UBXN4: variants seen among roughly 807,000 people sequenced by gnomAD.
UBXN4 encodes UBX domain protein 4.
A neutral mutation model predicts 66.2 loss-of-function variants in UBXN4; 35 were observed. The observed-to-expected ratio is 0.53, with a 90% CI of 0.40 to 0.70. The LOEUF is 0.70. UBXN4 is among the 30% of genes least tolerant of loss of function. The pLI, the probability that UBXN4 is intolerant of heterozygous loss-of-function variation, is 0.00. For synonymous variants in UBXN4, 203 were observed against 204.5 expected, an observed-to-expected ratio of 0.99 and a Z score of 0.06; for missense variants, 533 against 599.8, an observed-to-expected ratio of 0.89 and a Z score of 1.16.
intron 6 of UBXN4, 21 bp from the exon 7 acceptor site, chr2:135,769,748 G>GTTTTTT: frequency 8.8e-7 from 1 of 1,132,940 alleles, no homozygotes; most frequent in Non-Finnish European, 1.2e-6. Context: ...ATTAGTGGTG[G>GTTTTTT]TTTTTTTTTT....
At chr2:135,773,657 A>C (rs538095513) in intron 9 of UBXN4, among the ~76,000 whole-genome samples, 1 of 152,336 alleles carries the variant, frequency 6.6e-6, no homozygotes, top group East Asian at 1.9e-4. Flanking sequence ...TTGAAAAGAC[A>C]AAAAAAGTTT....
chr2:135,748,008 A>G, intron 1 of UBXN4: 1 of 349,678 alleles, frequency 2.9e-6, no homozygotes, highest in Non-Finnish European at 5.2e-6. Context: ...TACTTTGCGC[A>G]TCATAATTTA....
intron 10 of UBXN4, among the ~76,000 whole-genome samples, chr2:135,777,887 A>AAAAC (rs931022904): frequency 2.7e-5 from 4 of 146,852 alleles, no homozygotes; most frequent in Non-Finnish European, 6.0e-5. Context: ...CATCTCAAAA[A>AAAAC]AAACAACAGG....
chr2:135,773,038 A>C (rs948372806), intron 9 of UBXN4, among the ~76,000 whole-genome samples: 106 of 80,040 alleles, frequency 1.3e-3, no homozygotes, highest in Middle Eastern at 0.014. Flanking sequence ...CTCCGTCCCC[A>C]AAAAAAAAAA....
rs1223115836 is a variant in UBXN4 at position 135,783,218 on chromosome 2, T to C, written c.*331T>C. On this transcript the variant is annotated 3_prime_UTR_variant, in exon 13 of 13. Transcript: ENST00000272638. Reference sequence around the variant, plus strand: ...TCAGATGACACGTTTTGTTTAGAGCTACTTTGCTCCAAGACTCTTAAGCCC... The same window carrying C: ...TCAGATGACACGTTTTGTTTAGAGCCACTTTGCTCCAAGACTCTTAAGCCC... 1 of 168,466 alleles carries C rather than the reference T, an allele frequency of 5.9e-6. No individual in the cohort carries two copies. The highest frequency in any genetic ancestry group is 1.3e-5 in the Non-Finnish European group (1 of 78,826). 10.4% of individuals were successfully genotyped at this position (168,466 alleles called of 1,614,324 possible).
chr2:135,745,313 C>G (rs1043179962), intron 1 of UBXN4, among the ~76,000 whole-genome samples: 2 of 152,200 alleles, frequency 1.3e-5, no homozygotes, highest in African/African-American at 4.8e-5. Flanking sequence ...ACTCTTCTGG[C>G]TGTTGGCATG....
chr2:135,750,234 A>C (rs4245839), intron 2 of UBXN4, among the ~76,000 whole-genome samples: 4 of 152,176 alleles, frequency 2.6e-5, no homozygotes, highest in Non-Finnish European at 5.9e-5. Flanking sequence ...TCAGCCTCCC[A>C]AATAGCTGTA....
chr2:135,755,721 A>G lies in UBXN4; in HGVS notation c.508+30A>G, dbSNP rs79054182. ...CTTTTAATGTACCTTTTTGAGTGCAATAGAAGCTCCTTCACTACATTTTAA... is the reference window on the plus strand; with the variant it reads ...CTTTTAATGTACCTTTTTGAGTGCAGTAGAAGCTCCTTCACTACATTTTAA... On this transcript the variant is annotated intron_variant, in intron 5 of 12. Transcript: ENST00000272638. The G allele has an allele frequency of 1.0e-3, 1,347 of 1,352,476 alleles. 12 individuals carry two copies. The African/African-American group carries it at 0.018, about 18-fold the overall frequency. 83.8% of individuals were successfully genotyped at this position (1,352,476 alleles called of 1,614,324 possible).
intron 6 of UBXN4, among the ~76,000 whole-genome samples, chr2:135,764,712 G>T (rs1177976193): frequency 2.6e-5 from 4 of 152,160 alleles, no homozygotes; most frequent in Non-Finnish European, 5.9e-5. Flanking sequence ...CGCCATGTTG[G>T]CTGGGCTGGT....
chr2:135,742,254 A>C (rs2077179450), intron 1 of UBXN4, among the ~76,000 whole-genome samples: 1 of 151,960 alleles, frequency 6.6e-6, no homozygotes, highest in South Asian at 2.1e-4. Context: ...GCCTTTCCTC[A>C]GTGTCTGCGA....
chr2:135,742,119 GT>G, intron 1 of UBXN4, 108 bp downstream of exon 1: 2 of 1,341,928 alleles, frequency 1.5e-6, no homozygotes, highest in Non-Finnish European at 2.0e-6. Context: ...GCGGGCTCCT[GT>G]CGGCTCGCAC....
intron 6 of UBXN4, among the ~76,000 whole-genome samples, chr2:135,768,762 C>T (rs565377108): frequency 6.6e-6 from 1 of 151,754 alleles, no homozygotes; most frequent in Non-Finnish European, 1.5e-5. Context: ...AGCGTTTCGC[C>T]GTGTTGGCCA....
At chr2:135,758,158 T>TC (rs2077290301) in intron 5 of UBXN4, among the ~76,000 whole-genome samples, 1 of 150,174 alleles carries the variant, frequency 6.7e-6, no homozygotes, top group Non-Finnish European at 1.5e-5. Flanking sequence ...CACCACAACC[T>TC]CCATCTCCTA....
In UBXN4 at chr2:135,783,834, G is replaced by A. The variant is rs1205056252; in HGVS notation, c.*947G>A. 1 of 152,192 alleles carries A rather than the reference G, an allele frequency of 6.6e-6. No individual in the cohort carries two copies. The highest frequency in any genetic ancestry group is 6.5e-5 in the Admixed American group (1 of 15,276). 9.4% of individuals were successfully genotyped at this position (152,192 alleles called of 1,614,324 possible). A position where few individuals can be genotyped will look rare whatever the true frequency, so the allele number is the denominator to read the frequency against. On this transcript the variant is annotated 3_prime_UTR_variant, in exon 13 of 13. Coordinates refer to ENST00000272638, the MANE Select transcript of UBXN4 (RefSeq NM_014607.4). ...CATTTGGTTTTTCTTAAAAAGTTGA[G>A]ATTCTTAATCTGACTTACATGTTAC...
At chr2:135,743,575 A>C (rs894874928) in intron 1 of UBXN4, among the ~76,000 whole-genome samples, 6 of 152,190 alleles carry the variant, frequency 3.9e-5, no homozygotes, top group Admixed American at 3.3e-4. Flanking sequence ...TAACAGTCAA[A>C]TTTTTTAGTA....
intron 6 of UBXN4, among the ~76,000 whole-genome samples, chr2:135,765,893 C>T (rs1347002831): frequency 6.6e-6 from 1 of 152,046 alleles, no homozygotes; most frequent in Non-Finnish European, 1.5e-5. Flanking sequence ...TGGCTCATGC[C>T]TGTAATCCCA....
chr2:135,780,027 A>G, intron 11 of UBXN4, 156 bp from the exon 12 acceptor site: 4 of 614,288 alleles, frequency 6.5e-6, no homozygotes, highest in South Asian at 4.3e-5. Context: ...AAGTTTATAT[A>G]TACGTGAAAA....
intron 10 of UBXN4, among the ~76,000 whole-genome samples, chr2:135,778,132 G>A (rs1252305250): frequency 5.4e-5 from 8 of 147,926 alleles, no homozygotes; most frequent in Non-Finnish European, 8.9e-5. Flanking sequence ...AGCCAAGATC[G>A]CGCCACTGCA....
At chr2:135,770,407 A>G (rs2077376324) in intron 7 of UBXN4, among the ~76,000 whole-genome samples, 164 bp from the exon 8 acceptor site, 1 of 152,238 alleles carries the variant, frequency 6.6e-6, no homozygotes, top group African/African-American at 2.4e-5. Context: ...GCAATGATTT[A>G]TAGATTGATA....
Sources: allele counts gnomAD v4.1 joint callset (sites outside exome capture counted in the v4.1 genomes callset), GRCh38; gene constraint gnomAD v4.1.1; transcripts MANE v1.5; gene names NCBI Gene and HGNC (gene_info 2026-07-23, HGNC 2026-07-21).